Variants in OSBPL6 observed in about 807,000 individuals in gnomAD.
OSBPL6 encodes the protein oxysterol binding protein like 6.
A neutral mutation model predicts 125.8 loss-of-function variants in OSBPL6; 49 were observed. The observed-to-expected ratio is 0.39, with a 90% CI of 0.31 to 0.49. The LOEUF (loss-of-function observed/expected upper bound fraction) is 0.49, where lower values mean the gene tolerates loss of function less well. OSBPL6 is among the 20% of genes least tolerant of loss of function. The pLI, the probability that OSBPL6 is intolerant of heterozygous loss-of-function variation, is 0.88. For missense variants in OSBPL6, 986 were observed against 1,135.4 expected (o/e 0.87, Z 1.89); for synonymous variants, 394 against 391.8 (o/e 1.01, Z -0.07).
intron 16 of OSBPL6, 117 bp from the exon 17 acceptor site, chr2:178,382,907 T>A: frequency 6.8e-7 from 1 of 1,470,336 alleles, no homozygotes; most frequent in South Asian, 1.4e-5. Context: ...TTTGAAAAGA[T>A]ATAATGAAGA....
Position 178,336,323 on chromosome 2 carries a change from G to C in OSBPL6, c.680G>C (p.Trp227Ser), listed in dbSNP as rs1251013657. ...TAGATGCAACCAAACAGCTTTCCGT[G>C]GCAGTCCCCTTTACCATGCAGCAAT... ...DGKMQPNSFP[W>S]QSPLPCSNSL... The change falls in exon 9 of 25, where the codon TGG (tryptophan) becomes TCG (serine). Residue 227 changes from tryptophan (W) to serine (S), a missense_variant. This residue lies in a region of OSBPL6 where 843 missense variants were observed against 997.3 expected (regional missense o/e 0.85). Coordinates refer to ENST00000190611, the MANE Select transcript of OSBPL6 (RefSeq NM_032523.4). The C allele has an allele frequency of 1.2e-6, 2 of 1,613,814 alleles. No individual in the cohort carries two copies. Among genetic ancestry groups the C allele is most frequent in the Non-Finnish European group, 1.7e-6 (2 of 1,179,958 alleles).
chr2:178,371,995 C>G, intron 13 of OSBPL6, 131 bp from the exon 14 acceptor site: 1 of 586,846 alleles, frequency 1.7e-6, no homozygotes, highest in South Asian at 2.7e-5. Flanking sequence ...TAGGGTCTGG[C>G]TCATGATGGC....
intron 1 of OSBPL6, among the ~76,000 whole-genome samples, chr2:178,228,324 A>G (rs1028510755): frequency 2.0e-5 from 3 of 152,196 alleles, no homozygotes; most frequent in Non-Finnish European, 2.9e-5. Flanking sequence ...TCATGAGGTC[A>G]GGAGATCGAG....
In OSBPL6 at chr2:178,307,476, C is replaced by G. The variant is rs1686872237; in HGVS notation, c.102+1190C>G. On this transcript the variant is annotated intron_variant, in intron 3 of 24. Coordinates refer to ENST00000190611, the MANE Select transcript of OSBPL6 (RefSeq NM_032523.4). ...TACTGGTGTCTTTTGTTATTGAGTT[C>G]AAAGACGACACCTATATTCGGTTCT... is the stretch of plus-strand genomic sequence containing the variant. Among the ~76,000 whole-genome samples the G allele has an allele frequency of 4.6e-5, 7 of 152,242 alleles. No homozygotes were observed. The South Asian group carries it at 1.5e-3, about 32-fold the overall frequency.
intron 13 of OSBPL6, among the ~76,000 whole-genome samples, chr2:178,365,144 C>G (rs1374661268): frequency 6.6e-6 from 1 of 152,030 alleles, no homozygotes; most frequent in Admixed American, 6.5e-5. Flanking sequence ...CCATTGCACT[C>G]CAGCCTGAGC....
chr2:178,265,134 G>A (rs232041), intron 1 of OSBPL6, among the ~76,000 whole-genome samples: 8 of 134,344 alleles, frequency 6.0e-5, no homozygotes, highest in Admixed American at 2.5e-4. Context: ...CTCCTGCCTT[G>A]GCCTCCCAAA....
At chr2:178,233,979 GT>G (rs144412281) in intron 1 of OSBPL6, among the ~76,000 whole-genome samples, 6 of 151,090 alleles carry the variant, frequency 4.0e-5, no homozygotes, top group Admixed American at 1.3e-4. Context: ...TCTAGTGGCA[GT>G]TTTTTTTTCT....
intron 1 of OSBPL6, among the ~76,000 whole-genome samples, chr2:178,216,225 G>C (rs1375025950): frequency 2.0e-5 from 3 of 152,144 alleles, no homozygotes; most frequent in Non-Finnish European, 4.4e-5. Flanking sequence ...ATTGGAAAGG[G>C]GGAAAAAGGA....
intron 1 of OSBPL6, among the ~76,000 whole-genome samples, chr2:178,241,376 T>A (rs1291970478): frequency 3.3e-5 from 5 of 150,708 alleles, no homozygotes; most frequent in Admixed American, 3.3e-4. Flanking sequence ...CCTCCCAAAG[T>A]GATGGGATTA....
At chr2:178,230,868 A>T (rs991425164) in intron 1 of OSBPL6, among the ~76,000 whole-genome samples, 1 of 152,192 alleles carries the variant, frequency 6.6e-6, no homozygotes, top group Admixed American at 6.5e-5. Flanking sequence ...AATTTCTGTC[A>T]TGGGATATTT....
intron 3 of OSBPL6, chr2:178,320,548 A>T: frequency 1.2e-6 from 1 of 803,580 alleles, no homozygotes; most frequent in East Asian, 2.6e-5. Flanking sequence ...ACTTGCTTAC[A>T]TAATGTGTGT....
intron 1 of OSBPL6, among the ~76,000 whole-genome samples, chr2:178,248,336 A>G (rs1414665979): frequency 2.6e-5 from 4 of 152,206 alleles, no homozygotes; most frequent in Non-Finnish European, 4.4e-5. Flanking sequence ...AAAAAATACA[A>G]TTTCAGATTT....
In OSBPL6 at chr2:178,336,364, T is replaced by C; in HGVS notation, c.721T>C (p.Cys241Arg). 1.9e-6 allele frequency: 3 copies of C among 1,614,134 alleles called. No individual in the cohort carries two copies. Among genetic ancestry groups the C allele is most frequent in the Non-Finnish European group, 2.5e-6 (3 of 1,180,002 alleles). The stretch of plus-strand genomic sequence containing the variant: ...ATGCAGCAATAGCCTCCCTGCAACG[T>C]GCACAACTGGCCAGAGTAAAGTGGC... ...LPCSNSLPAT[C>R]TTGQSKVAAW... Residue 241 changes from cysteine (C) to arginine (R), a missense_variant, in exon 9 of 25, where the codon TGC (cysteine) becomes CGC (arginine). Cys to Arg is a radical substitution (Grantham distance 180). Transcript: ENST00000190611.
chr2:178,335,855 G>A (rs1387678546), intron 8 of OSBPL6, among the ~76,000 whole-genome samples: 2 of 152,132 alleles, frequency 1.3e-5, no homozygotes, highest in Non-Finnish European at 2.9e-5. Context: ...GGCATTGCAA[G>A]GTTGCTTACT....
At chr2:178,383,945 C>G in intron 17 of OSBPL6, 94 bp from the exon 18 acceptor site, 6 of 1,380,496 alleles carry the variant, frequency 4.3e-6, no homozygotes, top group Non-Finnish European at 6.0e-6. Flanking sequence ...AACACCCATC[C>G]ACATGAGGTG....
chr2:178,358,121 T>A (rs1691986372), intron 12 of OSBPL6, among the ~76,000 whole-genome samples: 1 of 152,068 alleles, frequency 6.6e-6, no homozygotes. Flanking sequence ...TTAGGAGAAA[T>A]ACCTAATGTA....
chr2:178,281,010 C>CTTT (rs55986941), intron 1 of OSBPL6, among the ~76,000 whole-genome samples: 10 of 131,476 alleles, frequency 7.6e-5, no homozygotes, highest in East Asian at 2.2e-4. Context: ...TTGCTTTTGA[C>CTTT]TTTTTTTTTT....
intron 1 of OSBPL6, among the ~76,000 whole-genome samples, chr2:178,247,871 G>C (rs2153999825): frequency 6.6e-6 from 1 of 152,262 alleles, no homozygotes. Context: ...AGCAGCAGGG[G>C]CTCTGTTGGA....
chr2:178,294,262 C>T (rs1559211900), intron 2 of OSBPL6, among the ~76,000 whole-genome samples: 1 of 152,062 alleles, frequency 6.6e-6, no homozygotes, highest in East Asian at 1.9e-4. Flanking sequence ...TGGGTTATAC[C>T]AATTTTGAAC....
Sources: gnomAD v4.1 joint callset for allele counts (sites outside exome capture counted in the v4.1 genomes callset) on GRCh38, gnomAD v4.1.1 for gene constraint, gnomAD v4.1.1 regional missense constraint, MANE v1.5 for transcripts, NCBI Gene and HGNC (gene_info 2026-07-23, HGNC 2026-07-21) for gene names.